Variants in MGAT1 observed in about 807,000 individuals in gnomAD.
The protein encoded by MGAT1 is N-glycosyl-oligosaccharide-glycoprotein N-acetylglucosaminyltransferase I.
A neutral mutation model predicts 31.7 loss-of-function variants in MGAT1; 14 were observed. The ratio of observed to expected loss-of-function variants is 0.44; its 90% CI spans 0.29 to 0.69. MGAT1 has a LOEUF of 0.69. Ranked by LOEUF, MGAT1 falls within the 30% of genes least tolerant of loss-of-function variation. MGAT1 has a pLI of 0.12. For missense variants in MGAT1, 557 were observed against 626.0 expected (o/e 0.89, Z 1.18); for synonymous variants, 338 against 276.0 (o/e 1.22, Z -2.23).
intron 2 of MGAT1, among the ~76,000 whole-genome samples, chr5:180,808,189 G>C (rs1320566863): frequency 6.6e-6 from 1 of 152,130 alleles, no homozygotes; most frequent in African/African-American, 2.4e-5. Flanking sequence ...AGTAGGAAGG[G>C]AGACAACTTA....
At position 180,791,306 on chromosome 5, in the gene MGAT1, A is replaced by C; in HGVS notation, c.*328T>G. Reference sequence around the variant, plus strand: ...AGAAGGGGTCTGGTCAAGAGAGCGAACGTTGCCAAACTCTCTGCACATGCT... The same window carrying C: ...AGAAGGGGTCTGGTCAAGAGAGCGACCGTTGCCAAACTCTCTGCACATGCT... On this transcript the variant is annotated 3_prime_UTR_variant, in exon 2 of 2. Transcript: ENST00000307826. 1 of 383,688 alleles carries C rather than the reference A, an allele frequency of 2.6e-6. No individual in the cohort carries two copies. Among genetic ancestry groups the C allele is most frequent in the Non-Finnish European group, 4.8e-6 (1 of 210,086 alleles). 23.8% of individuals were successfully genotyped at this position (383,688 alleles called of 1,614,324 possible).
At position 180,784,902 on chromosome 5, in the gene MGAT1, T is replaced by G. The variant is rs1465044846; in HGVS notation, c.*6732A>C. On this transcript the variant is annotated 3_prime_UTR_variant, in exon 2 of 2. Transcript: ENST00000307826. ...AAACAATATTCATTCTTTACCTTTC[T>G]ATCAAGTGGTACAGAAAATTATACG... The G allele has an allele frequency of 6.6e-6, 1 of 152,280 alleles. No individual in the cohort carries two copies. The highest frequency in any genetic ancestry group is 1.5e-5 in the Non-Finnish European group (1 of 68,050). The allele number at this position is 152,280 out of a possible 1,614,324, so 9.4% of individuals were successfully genotyped here.
At chr5:180,804,802 A>C (rs1162706498), upstream of MGAT1, among the ~76,000 whole-genome samples, 4 of 152,208 alleles carry the variant, frequency 2.6e-5, no homozygotes, top group African/African-American at 7.2e-5. Context: ...GATTCCCACC[A>C]CTGACCCTGA....
chr5:180,809,696 A>T (rs543132542), intron 1 of MGAT1: 1 of 152,064 alleles, frequency 6.6e-6, no homozygotes, highest in Non-Finnish European at 1.5e-5. Flanking sequence ...TTAAGGCCCA[A>T]GTCCTGCTTG....
Position 180,792,848 on chromosome 5 carries a change from C to G in MGAT1, c.124G>C (p.Ala42Pro). Residue 42 changes from alanine (A) to proline (P), a missense_variant, in exon 2 of 2, where the codon GCT becomes CCT. Around this residue, in one of 3 missense-constraint regions of MGAT1, gnomAD observed 167 missense variants for 149.8 expected, o/e 1.11. Coordinates refer to ENST00000307826, the MANE Select transcript of MGAT1 (RefSeq NM_002406.4). ...PAPGRPPSVS[A>P]LDGDPASLTR... ...AGGCTGGCGGGGTCGCCATCGAGAG[C>G]GCTGACTGAGGGTGGCCTGCCAGGT... 4 of 1,568,822 alleles carry G rather than the reference C, an allele frequency of 2.5e-6. No homozygotes were observed. The highest frequency in any genetic ancestry group is 2.6e-6 in the Non-Finnish European group (3 of 1,157,910).
intron 1 of MGAT1, among the ~76,000 whole-genome samples, chr5:180,799,536 C>A (rs956239268): frequency 6.6e-6 from 1 of 152,168 alleles, no homozygotes; most frequent in Non-Finnish European, 1.5e-5. Flanking sequence ...CCACCTTCCT[C>A]CTTAGGAAAA....
rs1768150125 is a variant in MGAT1 at position 180,791,778 on chromosome 5, G to A, written c.1194C>T (p.Ala398=). Residue 398 remains alanine (A), a synonymous_variant, in exon 2 of 2, where the codon GCC becomes GCT. Coordinates refer to ENST00000307826, the MANE Select transcript of MGAT1 (RefSeq NM_002406.4). ...YTGRDSFKAF[A]KALGVMDDLK... ...GGTCATCCATGACACCCAGAGCCTT[G>A]GCGAAAGCCTTGAAGCTGTCCCTGC... The A allele has an allele frequency of 1.2e-6, 2 of 1,614,226 alleles. No individual in the cohort carries two copies. The highest frequency in any genetic ancestry group is 2.2e-5 in the East Asian group (1 of 44,878).
chr5:180,809,769 C>T (rs2113588259), intron 1 of MGAT1: 1 of 152,176 alleles, frequency 6.6e-6, no homozygotes, highest in East Asian at 1.9e-4. Flanking sequence ...CCCCTCCCCT[C>T]CAAGTTTATT....
chr5:180,806,387 G>A (rs762728972), upstream of MGAT1, among the ~76,000 whole-genome samples: 10 of 152,208 alleles, frequency 6.6e-5, no homozygotes, highest in Non-Finnish European at 1.2e-4. Context: ...GTGCCCATGT[G>A]AAAAAGCCAA....
At chr5:180,815,085 T>C (rs540020859) in intron 1 of MGAT1, among the ~76,000 whole-genome samples, 24 of 152,174 alleles carry the variant, frequency 1.6e-4, no homozygotes, top group Non-Finnish European at 2.8e-4. Context: ...CTCTTGATGG[T>C]AGGAACTCTC....
rs780197814 is a variant in MGAT1 at position 180,791,652 on chromosome 5, A to G, written c.1320T>C (p.Tyr440=). ...HLAPPLTWEG[Y]DPSWN ...GCAGGTGCTAATTCCAGCTAGGATC[A>G]TAGCCCTCCCACGTCAGTGGGGGCG... Residue 440 remains tyrosine, a synonymous_variant, in exon 2 of 2, where the codon TAT becomes TAC. Coordinates refer to ENST00000307826, the MANE Select transcript of MGAT1 (RefSeq NM_002406.4). 26 of 1,613,492 alleles carry G rather than the reference A, an allele frequency of 1.6e-5. No homozygotes were observed. The highest frequency in any genetic ancestry group is 2.1e-5 in the Non-Finnish European group (25 of 1,179,994).
At chr5:180,805,756 A>T (rs1017105590), upstream of MGAT1, among the ~76,000 whole-genome samples, 4 of 152,100 alleles carry the variant, frequency 2.6e-5, no homozygotes, top group Non-Finnish European at 5.9e-5. Flanking sequence ...TCTCAAAAAA[A>T]AAAAGTAAAA....
At chr5:180,806,509 A>G (rs911155230), upstream of MGAT1, among the ~76,000 whole-genome samples, 2 of 152,200 alleles carry the variant, frequency 1.3e-5, no homozygotes, top group African/African-American at 2.4e-5. Flanking sequence ...TCTACCAGAG[A>G]GGCTGTCTGG....
At chr5:180,796,632 G>A (rs543742191) in intron 1 of MGAT1, among the ~76,000 whole-genome samples, 6 of 151,998 alleles carry the variant, frequency 3.9e-5, no homozygotes, top group African/African-American at 1.2e-4. Context: ...TTTTGAGACA[G>A]AGTCTCACTC....
Position 180,792,709 on chromosome 5 carries a change from G to C in MGAT1, c.263C>G (p.Thr88Ser). The C allele has an allele frequency of 6.4e-7, 1 of 1,551,128 alleles. No individual in the cohort carries two copies. Among genetic ancestry groups the C allele is most frequent in the Non-Finnish European group, 8.7e-7 (1 of 1,150,208 alleles). Residue 88 changes from threonine (T) to serine (S), a missense_variant, in exon 2 of 2, where the codon ACC becomes AGC. Thr to Ser is a moderately conservative substitution (Grantham distance 58). Coordinates refer to ENST00000307826, the MANE Select transcript of MGAT1 (RefSeq NM_002406.4). Reference protein sequence around the residue: ...ALSSQRGRVPTAAPPAQPRVP... With the variant: ...ALSSQRGRVPSAAPPAQPRVP... ...ACGCGGCTGGGCGGGAGGGGCCGCG[G>C]TGGGCACCCTCCCCCGCTGGCTCGA...
rs762495447 is a variant in MGAT1 at position 180,791,612 on chromosome 5, G to A, written c.*22C>T. 15 of 1,608,136 alleles carry A rather than the reference G, an allele frequency of 9.3e-6. No homozygotes were observed. Among genetic ancestry groups the A allele is most frequent in the Admixed American group, 3.4e-5 (2 of 59,682 alleles). On this transcript the variant is annotated 3_prime_UTR_variant, in exon 2 of 2. Coordinates refer to ENST00000307826, the MANE Select transcript of MGAT1 (RefSeq NM_002406.4). ...TCAGCTCATGATGTGGCAAGGAGGG[G>A]CCCAGGAAGGACAGGCAGGTGCTAA...
rs900272538 is a variant in MGAT1 at position 180,792,733 on chromosome 5, G to A, written c.239C>T (p.Ser80Leu). Residue 80 changes from serine (S) to leucine (L), a missense_variant, in exon 2 of 2, where the codon TCG (serine) becomes TTG (leucine). This residue lies in a region of MGAT1 where 167 missense variants were observed against 149.8 expected (regional missense o/e 1.11). Coordinates refer to ENST00000307826, the MANE Select transcript of MGAT1 (RefSeq NM_002406.4). ...GGTGGGCACCCTCCCCCGCTGGCTC[G>A]ACAGGGCATCCCCGATCTGCTGCAG... Reference protein sequence around the residue: ...GLLQQIGDALSSQRGRVPTAA... With the variant: ...GLLQQIGDALLSQRGRVPTAA... 1.1e-5 allele frequency: 17 copies of A among 1,547,292 alleles called. No homozygotes were observed. Among genetic ancestry groups the A allele is most frequent in the South Asian group, 8.3e-5 (7 of 83,952 alleles).
At position 180,815,144 on chromosome 5, in the gene MGAT1, G is replaced by A. The variant is rs77880768; in HGVS notation, c.-546+270C>T. Among the ~76,000 whole-genome samples, 827 of 152,024 alleles carry A rather than the reference G, an allele frequency of 5.4e-3. 8 individuals carry two copies. The highest frequency in any genetic ancestry group is 0.019 in the African/African-American group (798 of 41,398). On this transcript the variant is annotated intron_variant, in intron 1 of 2. Transcript: ENST00000333055. Reference sequence around the variant, plus strand: ...GCATGACATGGCAGGGGGACTGAGCGTGCTAAGGTGCTAGCGCAGGTCTCT... The same window carrying A: ...GCATGACATGGCAGGGGGACTGAGCATGCTAAGGTGCTAGCGCAGGTCTCT...
chr5:180,810,248 T>G (rs1039138021), intron 1 of MGAT1: 41 of 150,720 alleles, frequency 2.7e-4, no homozygotes, highest in Non-Finnish European at 2.2e-4. Context: ...CAACGCAGCG[T>G]TCCACATCCC....
Sources: gnomAD v4.1 joint callset for allele counts (sites outside exome capture counted in the v4.1 genomes callset) on GRCh38, gnomAD v4.1.1 for gene constraint, gnomAD v4.1.1 regional missense constraint, MANE v1.5 for transcripts, NCBI Gene and HGNC (gene_info 2026-07-23, HGNC 2026-07-21) for gene names.